Variants in STX1A observed in about 807,000 individuals in gnomAD.
STX1A encodes the protein syntaxin 1A, also known as syntaxin-1A.
STX1A carries 4 observed loss-of-function variants against 37.8 expected under a neutral mutation model. That is an observed-to-expected ratio of 0.11 (90% CI 0.05 to 0.24). The LOEUF is 0.24. Ranked by LOEUF, STX1A falls within the 10% of genes least tolerant of loss-of-function variation. The probability of loss-of-function intolerance (pLI) is 1.00; values close to 1 mark genes in which losing one functional copy is unlikely to be tolerated. For missense variants in STX1A, 251 were observed against 399.9 expected (o/e 0.63, Z 3.18); for synonymous variants, 135 against 147.4 (o/e 0.92, Z 0.61).
At position 73,705,073 on chromosome 7, in the gene STX1A, G is replaced by T; in HGVS notation, c.283+77C>A. On this transcript the variant is annotated intron_variant, in intron 4 of 9. Transcript: ENST00000222812. This position sits in a 1 kb window ranked among gnomAD's most constrained non-coding sequence, Gnocchi z 5.2. ...AAGATCCGGCGCACCCCCTCAGGGCGAGCAAAACCCCATGGGCTCCGCAGA... is the reference window on the plus strand; with the variant it reads ...AAGATCCGGCGCACCCCCTCAGGGCTAGCAAAACCCCATGGGCTCCGCAGA... The T allele has an allele frequency of 2.1e-6, 3 of 1,426,868 alleles. No homozygotes were observed. In the South Asian group the frequency reaches 3.4e-5, roughly 16 times the overall value. The allele number at this position is 1,426,868 out of a possible 1,614,324, so 88.4% of individuals were successfully genotyped here. A position where few individuals can be genotyped will look rare whatever the true frequency, so the allele number is the denominator to read the frequency against.
chr7:73,707,246 C>T (rs572729869), intron 3 of STX1A, among the ~76,000 whole-genome samples: 4 of 152,310 alleles, frequency 2.6e-5, no homozygotes, highest in Admixed American at 2.6e-4. Context: ...TAGTAAACAA[C>T]ATCTCAACAG....
intron 1 of STX1A, among the ~76,000 whole-genome samples, chr7:73,710,393 C>T (rs1554617777): frequency 6.6e-6 from 1 of 152,222 alleles, no homozygotes; most frequent in Non-Finnish European, 1.5e-5. Context: ...GGTCTCTCAG[C>T]CTGGGGCTCA....
In STX1A at chr7:73,700,979, C is replaced by T. The variant is rs1554615811; in HGVS notation, c.679-139G>A. On this transcript the variant is annotated intron_variant, in intron 8 of 9. Transcript: ENST00000222812. The surrounding 1 kb of genome is among the most constrained non-coding windows in gnomAD (Gnocchi z 4.4). ...AGGAGGTTAGGGTACAGCTTCTCAC[C>T]TGGGCCAGGTACCCTGGGTGGGGTG... is the stretch of plus-strand genomic sequence containing the variant. The T allele has an allele frequency of 6.7e-7, 1 of 1,493,608 alleles. No homozygotes were observed. The highest frequency in any genetic ancestry group is 8.9e-7 in the Non-Finnish European group (1 of 1,118,940). 92.5% of individuals were successfully genotyped at this position (1,493,608 alleles called of 1,614,324 possible). A position where few individuals can be genotyped will look rare whatever the true frequency, so the allele number is the denominator to read the frequency against.
chr7:73,714,080 C>T (rs1307743731), intron 1 of STX1A, among the ~76,000 whole-genome samples: 1 of 152,094 alleles, frequency 6.6e-6, no homozygotes, highest in Non-Finnish European at 1.5e-5. Context: ...CCTCTTCTCC[C>T]ATCCAACCAA....
chr7:73,708,786 G>T, intron 2 of STX1A, 98 bp from the exon 3 acceptor site: 2 of 1,315,252 alleles, frequency 1.5e-6, no homozygotes, highest in South Asian at 2.5e-5. Flanking sequence ...CAGGGCTCAG[G>T]GGGAGGACGG....
chr7:73,704,338 C>A lies in STX1A; in HGVS notation c.357+12G>T. The stretch of plus-strand genomic sequence containing the variant: ...CTCAGGTGCCCGCCCATCCTAGACT[C>A]CGTGGCCGCACCTGTGTCTTCCGGA... On this transcript the variant is annotated intron_variant, in intron 5 of 9. Transcript: ENST00000222812. The A allele has an allele frequency of 6.2e-7, 1 of 1,614,160 alleles. No homozygotes were observed. The highest frequency in any genetic ancestry group is 8.5e-7 in the Non-Finnish European group (1 of 1,180,022).
rs1184102367 is a variant in STX1A, at chr7:73,702,141, T to G, written c.678+704A>C. ...GGACCTTAGTGTTGCTGGGGCCAGC[T>G]CTTCATCTCCGCTGCGAAGTCTTCA... On this transcript the variant is annotated intron_variant, in intron 8 of 9. Transcript: ENST00000222812. This position sits in a 1 kb window ranked among gnomAD's most constrained non-coding sequence, Gnocchi z 4.7. Among the ~76,000 whole-genome samples the G allele has an allele frequency of 1.3e-5, 2 of 152,126 alleles. No homozygotes were observed. Among genetic ancestry groups the G allele is most frequent in the African/African-American group, 4.8e-5 (2 of 41,428 alleles).
chr7:73,704,024 T>TGCCTCGGGCCACCC (rs1283869909), intron 6 of STX1A, 124 bp downstream of exon 6: 18 of 1,030,634 alleles, frequency 1.7e-5, no homozygotes, highest in Admixed American at 3.0e-5. Context: ...ACTCAGCAGC[T>TGCCTCGGGCCACCC]GCCTCGGGCC....
chr7:73,719,132 G>C (rs1444098622), intron 1 of STX1A, among the ~76,000 whole-genome samples: 2 of 151,862 alleles, frequency 1.3e-5, no homozygotes, highest in African/African-American at 4.8e-5. Context: ...CAGGGGACCG[G>C]CACCGGCCCA....
rs1798844706 is a variant in STX1A, at chr7:73,705,685, T to G, written c.209-461A>C. 5.3e-6 allele frequency: 1 copy of G among 188,268 alleles called. No homozygotes were observed. The highest frequency in any genetic ancestry group is 1.1e-5 in the Non-Finnish European group (1 of 90,264). The allele number at this position is 188,268 out of a possible 1,614,324, so 11.7% of individuals were successfully genotyped here. On this transcript the variant is annotated intron_variant, in intron 3 of 9. Transcript: ENST00000222812. This position sits in a 1 kb window ranked among gnomAD's most constrained non-coding sequence, Gnocchi z 5.2. ...TGACAGGGGACCACCCCACACTCCC[T>G]GAGTCATATGCGCAAACACTCTGGG...
rs116792736 is a variant in STX1A, at chr7:73,712,973, A to C, written c.31-3851T>G. 2.4e-3 allele frequency among the ~76,000 whole-genome samples: 372 copies of C among 152,164 alleles called. 2 individuals carry two copies. Among genetic ancestry groups the C allele is most frequent in the African/African-American group, 8.5e-3 (353 of 41,522 alleles). On this transcript the variant is annotated intron_variant, in intron 1 of 9. Transcript: ENST00000222812. ...CCCATCCCCTCCCTCTTTCTATATGATCTACCTCTAGTAATACAGCCAGGA... is the reference window on the plus strand; with the variant it reads ...CCCATCCCCTCCCTCTTTCTATATGCTCTACCTCTAGTAATACAGCCAGGA...
chr7:73,701,131 T>C (rs968712871), intron 8 of STX1A: 4 of 600,058 alleles, frequency 6.7e-6, no homozygotes, highest in East Asian at 2.8e-5. Flanking sequence ...CTGTCAGAGA[T>C]GTGGCAGTGC....
chr7:73,707,269 C>T (rs555415220), intron 3 of STX1A, among the ~76,000 whole-genome samples: 3 of 152,278 alleles, frequency 2.0e-5, no homozygotes, highest in African/African-American at 4.8e-5. Flanking sequence ...ACATGAGGAC[C>T]GGGTCAGGGG....
rs1384586015 is a variant in STX1A at position 73,717,746 on chromosome 7, TA to T, written c.30+1855del. ...CAAAGCAAAGCCTGGCTTCACCATC[TA>T]ATCAGGGGGCGAGGAGGTAGTAACA... On this transcript the variant is annotated intron_variant, in intron 1 of 9. Coordinates refer to ENST00000222812, the MANE Select transcript of STX1A (RefSeq NM_004603.4). This position sits in a 1 kb window ranked among gnomAD's most constrained non-coding sequence, Gnocchi z 4.1. 6.6e-6 allele frequency among the ~76,000 whole-genome samples: 1 copy of T among 152,120 alleles called. No individual in the cohort carries two copies. The highest frequency in any genetic ancestry group is 2.4e-5 in the African/African-American group (1 of 41,434).
In STX1A at chr7:73,708,655, C is replaced by A. The variant is rs144945504; in HGVS notation, c.142G>T (p.Ala48Ser). Residue 48 changes from alanine (A) to serine (S), a missense_variant, in exon 3 of 10, where the codon GCA becomes TCA. By Grantham distance (99) the Ala-to-Ser change is moderately conservative. Transcript: ENST00000222812. ...CGCTTCACCTCCTCCACGTTCTCTG[C>A]GATCTTGTCAATGAAGCCTCGAATC... ...EEIRGFIDKI[A>S]ENVEEVKRKH... The A allele has an allele frequency of 6.2e-6, 10 of 1,614,110 alleles. No individual in the cohort carries two copies. Among genetic ancestry groups the A allele is most frequent in the Non-Finnish European group, 7.6e-6 (9 of 1,180,002 alleles).
rs200947866 is a variant in STX1A, at chr7:73,704,442, G to T, written c.284-19C>A. Reference sequence around the variant, plus strand: ...TCGATGCCTGGGGGCACAGGTGGCTGCTAAGTCATAACCAGGCCCCTTCAA... The same window carrying T: ...TCGATGCCTGGGGGCACAGGTGGCTTCTAAGTCATAACCAGGCCCCTTCAA... On this transcript the variant is annotated intron_variant, in intron 4 of 9. Transcript: ENST00000222812. 5.0e-6 allele frequency: 8 copies of T among 1,613,820 alleles called. No individual in the cohort carries two copies. Among genetic ancestry groups the T allele is most frequent in the East Asian group, 2.2e-5 (1 of 44,872 alleles).
At chr7:73,713,871 G>A (rs891724898) in intron 1 of STX1A, among the ~76,000 whole-genome samples, 1 of 152,232 alleles carries the variant, frequency 6.6e-6, no homozygotes, top group Admixed American at 6.5e-5. Context: ...ACCCTTCGCT[G>A]TGCAGGTGGC....
Position 73,702,898 on chromosome 7 carries a change from T to C in STX1A, c.625A>G (p.Ile209Val). Residue 209 changes from isoleucine (I) to valine (V), a missense_variant, in exon 8 of 10, where the codon ATC becomes GTC. By Grantham distance (29) the Ile-to-Val change is conservative. This residue lies in a region of STX1A where 214 missense variants were observed against 367.6 expected (regional missense o/e 0.58). Coordinates refer to ENST00000222812, the MANE Select transcript of STX1A (RefSeq NM_004603.4). The surrounding 1 kb of genome is among the most constrained non-coding windows in gnomAD (Gnocchi z 4.7). Reference protein sequence around the residue: ...HSEIIKLENSIRELHDMFMDM... With the variant: ...HSEIIKLENSVRELHDMFMDM... ...ATGAACATGTCGTGTAGCTCACGGA[T>C]GCTGTTCTCCAGCTTGATGATCTCA... 6.2e-7 allele frequency: 1 copy of C among 1,613,764 alleles called. No homozygotes were observed. The highest frequency in any genetic ancestry group is 8.5e-7 in the Non-Finnish European group (1 of 1,179,986).
At chr7:73,703,920 T>TCCC in intron 6 of STX1A, 92 bp from the exon 7 acceptor site, 1 of 1,184,722 alleles carries the variant, frequency 8.4e-7, no homozygotes, top group Non-Finnish European at 1.1e-6. Context: ...AGGCCCGGGC[T>TCCC]CCCCCCAGCC....
Sources: allele counts gnomAD v4.1 joint callset (sites outside exome capture counted in the v4.1 genomes callset), GRCh38; gene constraint gnomAD v4.1.1; regional missense constraint gnomAD v4.1.1; non-coding constraint Gnocchi (gnomAD v3.1); transcripts MANE v1.5; gene names NCBI Gene and HGNC (gene_info 2026-07-23, HGNC 2026-07-21).